The following RAB6B variants were observed in gnomAD, a reference collection of about 807,000 sequenced individuals.
The protein encoded by RAB6B is RAB6B, member RAS oncogene family.
A neutral mutation model predicts 31.2 loss-of-function variants in RAB6B; 7 were observed. The ratio of observed to expected loss-of-function variants is 0.22; its 90% CI spans 0.13 to 0.42. RAB6B has a LOEUF of 0.42. RAB6B is among the 10% of genes least tolerant of loss of function. The probability of loss-of-function intolerance (pLI) is 1.00; values close to 1 mark genes in which losing one functional copy is unlikely to be tolerated. For synonymous variants in RAB6B, 105 were observed against 104.9 expected (o/e 1.00, Z -0.01); for missense variants, 149 against 280.6 (o/e 0.53, Z 3.35).
intron 2 of RAB6B, among the ~76,000 whole-genome samples, chr3:133,859,414 C>T (rs1435302013): frequency 6.6e-6 from 1 of 152,166 alleles, no homozygotes; most frequent in East Asian, 1.9e-4. Flanking sequence ...CGCCCCTTTT[C>T]TATTCCTGGG....
chr3:133,862,890 T>C (rs1576402569), intron 2 of RAB6B, among the ~76,000 whole-genome samples: 2 of 152,272 alleles, frequency 1.3e-5, no homozygotes, highest in South Asian at 4.2e-4. Context: ...ACAAGAAGCA[T>C]TATATGTAAC....
chr3:133,832,576 T>A (rs912086792), intron 7 of RAB6B, among the ~76,000 whole-genome samples: 3 of 152,188 alleles, frequency 2.0e-5, no homozygotes, highest in Non-Finnish European at 4.4e-5. Context: ...AACACCTGGA[T>A]TTGGACTGTG....
chr3:133,867,670 T>C (rs1339447041), intron 1 of RAB6B, among the ~76,000 whole-genome samples: 1 of 152,146 alleles, frequency 6.6e-6, no homozygotes, highest in Non-Finnish European at 1.5e-5. Context: ...ATTGGGGGCC[T>C]TTCCCCACTT....
chr3:133,852,759 G>GT (rs1392881964), intron 2 of RAB6B, among the ~76,000 whole-genome samples: 6 of 152,280 alleles, frequency 3.9e-5, no homozygotes, highest in East Asian at 3.9e-4. Flanking sequence ...GATTACAGGC[G>GT]TGAGTCACCA....
intron 1 of RAB6B, among the ~76,000 whole-genome samples, chr3:133,867,207 G>A (rs904275221): frequency 1.3e-5 from 2 of 152,234 alleles, no homozygotes; most frequent in East Asian, 3.8e-4. Context: ...TTGTGCAGGA[G>A]GAGCTTTTAG....
chr3:133,840,609 C>T (rs1427469151), intron 4 of RAB6B, among the ~76,000 whole-genome samples: 1 of 152,190 alleles, frequency 6.6e-6, no homozygotes, highest in African/African-American at 2.4e-5. Context: ...TGGACAGCAC[C>T]TAGGGCATTC....
chr3:133,834,723 C>T, intron 6 of RAB6B, 82 bp from the exon 7 acceptor site: 1 of 1,301,142 alleles, frequency 7.7e-7, no homozygotes, highest in Non-Finnish European at 1.1e-6. Flanking sequence ...CCTCACCCCT[C>T]TTCCCCTCCC....
At chr3:133,844,816 G>T (rs560050957) in intron 2 of RAB6B, among the ~76,000 whole-genome samples, 1 of 152,150 alleles carries the variant, frequency 6.6e-6, no homozygotes, top group African/African-American at 2.4e-5. Context: ...GGTGGTGCCT[G>T]CCTGTAGTCC....
At chr3:133,873,662 A>C (rs1415132263) in intron 1 of RAB6B, among the ~76,000 whole-genome samples, 5 of 152,224 alleles carry the variant, frequency 3.3e-5, no homozygotes, top group African/African-American at 1.2e-4. Context: ...TCAATAAACA[A>C]AAAAATTTAT....
At chr3:133,833,476 G>A (rs1005906570) in intron 7 of RAB6B, among the ~76,000 whole-genome samples, 2 of 152,112 alleles carry the variant, frequency 1.3e-5, no homozygotes, top group South Asian at 4.1e-4. Flanking sequence ...AGCTCCTTGA[G>A]CAAGGCTGGA....
At chr3:133,867,615 T>C (rs368522302) in intron 1 of RAB6B, among the ~76,000 whole-genome samples, 60 of 152,310 alleles carry the variant, frequency 3.9e-4, no homozygotes, top group African/African-American at 1.2e-3. Context: ...TTATTGCCAC[T>C]GCTGTGGCGC....
intron 7 of RAB6B, 25 bp from the exon 8 acceptor site, chr3:133,828,877 A>G (rs761260243): frequency 6.3e-7 from 1 of 1,586,894 alleles, no homozygotes; most frequent in Non-Finnish European, 8.6e-7. Flanking sequence ...GCTAAGGAAG[A>G]TGACTCTCCT....
intron 1 of RAB6B, among the ~76,000 whole-genome samples, chr3:133,889,566 C>T (rs1456508700): frequency 6.6e-6 from 1 of 151,482 alleles, no homozygotes; most frequent in East Asian, 1.9e-4. Context: ...TCCCAAGTAG[C>T]TGGGATTATA....
chr3:133,855,023 G>A (rs1936054224), intron 2 of RAB6B, among the ~76,000 whole-genome samples: 1 of 152,222 alleles, frequency 6.6e-6, no homozygotes, highest in Non-Finnish European at 1.5e-5. Context: ...TTTAGCCTTG[G>A]CCAGGCCTGG....
intron 1 of RAB6B, among the ~76,000 whole-genome samples, chr3:133,893,580 T>C (rs1031029624): frequency 6.6e-6 from 1 of 152,206 alleles, no homozygotes; most frequent in African/African-American, 2.4e-5. Context: ...TTCTGAAGCT[T>C]GTGCAGACTT....
chr3:133,839,351 G>C (rs1393786160), intron 5 of RAB6B, among the ~76,000 whole-genome samples, 155 bp downstream of exon 5: 1 of 152,214 alleles, frequency 6.6e-6, no homozygotes, highest in African/African-American at 2.4e-5. Context: ...GAGTCTACCA[G>C]GTGTCCTCAA....
chr3:133,846,941 A>G (rs1276601140), intron 2 of RAB6B, among the ~76,000 whole-genome samples: 3 of 152,252 alleles, frequency 2.0e-5, no homozygotes, highest in Non-Finnish European at 4.4e-5. Context: ...GCATGCACTC[A>G]TTATAAGAGA....
chr3:133,882,918 T>C (rs1322217632), intron 1 of RAB6B, among the ~76,000 whole-genome samples: 1 of 152,074 alleles, frequency 6.6e-6, no homozygotes, highest in Non-Finnish European at 1.5e-5. Flanking sequence ...AGTGTTTGGG[T>C]TGAATGTAGG....
chr3:133,837,379 G>C (rs193134451), intron 6 of RAB6B, among the ~76,000 whole-genome samples: 3 of 152,328 alleles, frequency 2.0e-5, no homozygotes, highest in Admixed American at 2.0e-4. Flanking sequence ...TAAGTAGTGT[G>C]ATGCTGAAAC....
Sources: gnomAD v4.1 joint callset for allele counts (sites outside exome capture counted in the v4.1 genomes callset) on GRCh38, gnomAD v4.1.1 for gene constraint, MANE v1.5 for transcripts, NCBI Gene and HGNC (gene_info 2026-07-23, HGNC 2026-07-21) for gene names.